Variants in TGM3 observed in about 807,000 individuals in gnomAD.
TGM3 encodes the protein transglutaminase 3.
TGM3 carries 52 observed loss-of-function variants against 73.8 expected under a neutral mutation model. The observed-to-expected ratio is 0.70, with a 90% confidence interval of 0.56 to 0.89. The LOEUF is 0.89. TGM3 is among the 40% of genes least tolerant of loss of function. The probability of loss-of-function intolerance (pLI) is 0.00; values close to 1 mark genes in which losing one functional copy is unlikely to be tolerated. For synonymous variants in TGM3, 372 were observed against 354.9 expected (o/e 1.05, Z -0.54); for missense variants, 928 against 909.9 (o/e 1.02, Z -0.26).
At position 2,340,903 on chromosome 20, in the gene TGM3, G is replaced by A. The variant is rs2084379052; in HGVS notation, c.*322G>A. On this transcript the variant is annotated 3_prime_UTR_variant, in exon 13 of 13. Transcript: ENST00000381458. ...AGGATGGACTGGCCCCTGACCCAGG[G>A]ACTCTCCAAACGGGATACAGGAGAG... The A allele has an allele frequency of 2.0e-6, 1 of 509,198 alleles. No homozygotes were observed. The highest frequency in any genetic ancestry group is 3.8e-6 in the Non-Finnish European group (1 of 262,034). 31.5% of individuals were successfully genotyped at this position (509,198 alleles called of 1,614,324 possible).
rs1215585998 is a variant in TGM3 at position 2,328,785 on chromosome 20, C to T, written c.1333+420C>T. Among the ~76,000 whole-genome samples the T allele has an allele frequency of 3.9e-5, 6 of 152,194 alleles. No homozygotes were observed. Among genetic ancestry groups the T allele is most frequent in the Admixed American group, 1.3e-4 (2 of 15,278 alleles). On this transcript the variant is annotated intron_variant, in intron 9 of 12. Coordinates refer to ENST00000381458, the MANE Select transcript of TGM3 (RefSeq NM_003245.4). The surrounding 1 kb of genome is among the most constrained non-coding windows in gnomAD (Gnocchi z 5.2). ...AAACTCAGGGAGAAAACCATCTGAACGAAGAAAGGGACAAAGAAACCCAGA... is the reference window on the plus strand; with the variant it reads ...AAACTCAGGGAGAAAACCATCTGAATGAAGAAAGGGACAAAGAAACCCAGA...
chr20:2,307,319 T>C (rs1822031428), intron 1 of TGM3, among the ~76,000 whole-genome samples: 2 of 152,208 alleles, frequency 1.3e-5, no homozygotes, highest in South Asian at 4.1e-4. Context: ...TCCAGTGCTC[T>C]TGAGTGGAAG....
intron 5 of TGM3, among the ~76,000 whole-genome samples, chr20:2,313,622 A>AAC (rs1030803207): frequency 1.3e-5 from 2 of 148,660 alleles, no homozygotes; most frequent in East Asian, 4.1e-4. Context: ...AACACACACA[A>AAC]ACACACACAC....
chr20:2,317,682 G>A (rs1043205768), intron 7 of TGM3, among the ~76,000 whole-genome samples, 197 bp downstream of exon 7: 19 of 151,906 alleles, frequency 1.3e-4, no homozygotes, highest in African/African-American at 4.1e-4. Context: ...GGTGCTCTGC[G>A]GTCTGCTAGT....
intron 3 of TGM3, 50 bp from the exon 4 acceptor site, chr20:2,310,961 C>T (rs1568624399): frequency 6.5e-7 from 1 of 1,528,494 alleles, no homozygotes; most frequent in Admixed American, 1.7e-5. Context: ...ACGATCCCTA[C>T]AGTCCTCCGA....
intron 8 of TGM3, among the ~76,000 whole-genome samples, chr20:2,327,495 AC>A (rs201742665): frequency 1.3e-5 from 2 of 152,058 alleles, no homozygotes; most frequent in Admixed American, 6.5e-5. Context: ...AAACAAACAA[AC>A]AAAAAAGATA....
intron 7 of TGM3, among the ~76,000 whole-genome samples, chr20:2,324,610 T>C (rs867497687): frequency 2.6e-4 from 39 of 152,308 alleles, no homozygotes; most frequent in African/African-American, 8.7e-4. Context: ...CCATGCATGA[T>C]TGAGGGTCAC....
At chr20:2,324,889 T>C (rs1194822395) in intron 7 of TGM3, among the ~76,000 whole-genome samples, 1 of 152,192 alleles carries the variant, frequency 6.6e-6, no homozygotes, top group Non-Finnish European at 1.5e-5. Context: ...TTCATTTTTT[T>C]CCCCACAGTT....
chr20:2,329,121 A>G (rs527811226), intron 9 of TGM3, among the ~76,000 whole-genome samples: 1 of 152,360 alleles, frequency 6.6e-6, no homozygotes, highest in African/African-American at 2.4e-5. Flanking sequence ...TGCAGGCCAC[A>G]GTCACTCCTA....
At chr20:2,330,470 G>T (rs1471732265) in intron 9 of TGM3, among the ~76,000 whole-genome samples, 1 of 152,224 alleles carries the variant, frequency 6.6e-6, no homozygotes, top group African/African-American at 2.4e-5. Context: ...TAATCTGGCT[G>T]CCTGCCTTCT....
chr20:2,337,102 A>G (rs529330972), intron 11 of TGM3, among the ~76,000 whole-genome samples: 9 of 152,236 alleles, frequency 5.9e-5, no homozygotes, highest in Non-Finnish European at 1.2e-4. Context: ...TGAGTTCATC[A>G]CTGTCTCCCT....
Position 2,332,528 on chromosome 20 carries a change from T to C in TGM3, c.1642+218T>C, listed in dbSNP as rs557313991. 6.6e-6 allele frequency among the ~76,000 whole-genome samples: 1 copy of C among 152,044 alleles called. No homozygotes were observed. Among genetic ancestry groups the C allele is most frequent in the Non-Finnish European group, 1.5e-5 (1 of 68,024 alleles). On this transcript the variant is annotated intron_variant, in intron 10 of 12. Coordinates refer to ENST00000381458, the MANE Select transcript of TGM3 (RefSeq NM_003245.4). The surrounding 1 kb of genome is among the most constrained non-coding windows in gnomAD (Gnocchi z 4.4). ...AGGGTGGTGCCAACCAAAATCCTTT[T>C]ACGCCCCAAGGGAGGAAGGAGGGAG...
intron 1 of TGM3, among the ~76,000 whole-genome samples, chr20:2,297,941 A>T (rs1489346369): frequency 2.6e-5 from 4 of 152,210 alleles, no homozygotes; most frequent in Admixed American, 1.3e-4. Flanking sequence ...ATTAAGCTGC[A>T]TGACAAATAC....
rs373186752 is a variant in TGM3, at chr20:2,304,076, TA to T, written c.8-5579del. 3.2e-3 allele frequency among the ~76,000 whole-genome samples: 491 copies of T among 152,246 alleles called. 3 individuals carry two copies. The highest frequency in any genetic ancestry group is 6.8e-3 in the Middle Eastern group (2 of 294). On this transcript the variant is annotated intron_variant, in intron 1 of 12. Transcript: ENST00000381458. ...CTTCACCCAGACTGTGCAGAAGACA[TA>T]AGGTGCAGAAGACAGCCCTGAGGCT...
rs376483205 is a variant in TGM3, at chr20:2,317,048, G to T, written c.670-20G>T. On this transcript the variant is annotated intron_variant, in intron 5 of 12. Transcript: ENST00000381458. ...AAGGCATTAGTGCTGACTCATTTTGGGGGGGTGGTTTCTGCCCAGATCAAT... is the reference window on the plus strand; with the variant it reads ...AAGGCATTAGTGCTGACTCATTTTGTGGGGGTGGTTTCTGCCCAGATCAAT... 16 of 1,611,186 alleles carry T rather than the reference G, an allele frequency of 9.9e-6. No individual in the cohort carries two copies. The highest frequency in any genetic ancestry group is 1.3e-5 in the African/African-American group (1 of 74,840).
intron 7 of TGM3, among the ~76,000 whole-genome samples, chr20:2,318,687 CTAGA>C (rs373094397): frequency 7.9e-5 from 12 of 152,234 alleles, no homozygotes; most frequent in African/African-American, 2.4e-4. Context: ...ATGTATGTGG[CTAGA>C]TAATCGTATG....
At position 2,328,460 on chromosome 20, in the gene TGM3, C is replaced by T. The variant is rs2084302872; in HGVS notation, c.1333+95C>T. The T allele has an allele frequency of 6.6e-7, 1 of 1,508,644 alleles. No homozygotes were observed. 93.5% of individuals were successfully genotyped at this position (1,508,644 alleles called of 1,614,324 possible). On this transcript the variant is annotated intron_variant, in intron 9 of 12. Coordinates refer to ENST00000381458, the MANE Select transcript of TGM3 (RefSeq NM_003245.4). The surrounding 1 kb of genome is among the most constrained non-coding windows in gnomAD (Gnocchi z 5.2). ...AGGAGAAAAGTCCTCACCTCCCCCG[C>T]ACTGGCAGCCAGTTCTGCCTGAATG...
At position 2,332,421 on chromosome 20, in the gene TGM3, C is replaced by A; in HGVS notation, c.1642+111C>A. ...GGTTAGTCAGCTACGAATGGAGCAG[C>A]CAGCGGCCCCTGTGGTTAAGCCATG... On this transcript the variant is annotated intron_variant, in intron 10 of 12. Transcript: ENST00000381458. The surrounding 1 kb of genome is among the most constrained non-coding windows in gnomAD (Gnocchi z 4.4). 9.6e-7 allele frequency: 1 copy of A among 1,045,544 alleles called. No homozygotes were observed. The highest frequency in any genetic ancestry group is 1.3e-6 in the Non-Finnish European group (1 of 741,096). The allele number at this position is 1,045,544 out of a possible 1,614,324, so 64.8% of individuals were successfully genotyped here. A position where few individuals can be genotyped will look rare whatever the true frequency, so the allele number is the denominator to read the frequency against.
chr20:2,316,498 C>T (rs2084233669), intron 5 of TGM3, among the ~76,000 whole-genome samples: 1 of 151,864 alleles, frequency 6.6e-6, no homozygotes, highest in Non-Finnish European at 1.5e-5. Flanking sequence ...GGAGGCGAAG[C>T]TTGCAGTGAG....
Sources: allele counts gnomAD v4.1 joint callset (sites outside exome capture counted in the v4.1 genomes callset), GRCh38; gene constraint gnomAD v4.1.1; non-coding constraint Gnocchi (gnomAD v3.1); transcripts MANE v1.5; gene names NCBI Gene and HGNC (gene_info 2026-07-23, HGNC 2026-07-21).